Variants in DCLK3 observed in about 807,000 individuals in gnomAD.
DCLK3 encodes serine/threonine-protein kinase DCLK3.
In DCLK3, 30 loss-of-function variants were observed where a neutral mutation model predicts 46.4. That is an observed-to-expected ratio of 0.65 (90% CI 0.48 to 0.88). DCLK3 has a LOEUF of 0.88. DCLK3 is among the 40% of genes least tolerant of loss of function. The pLI, the probability that DCLK3 is intolerant of heterozygous loss-of-function variation, is 0.00. For synonymous variants in DCLK3, 401 were observed against 339.2 expected (o/e 1.18, Z -2.00); for missense variants, 846 against 907.1 (o/e 0.93, Z 0.87).
intron 1 of DCLK3, among the ~76,000 whole-genome samples, chr3:36,751,063 T>TAAAAAGAAAAA: frequency 1.3e-5 from 1 of 76,476 alleles, no homozygotes; most frequent in South Asian, 6.7e-4. Context: ...CGGGATGATC[T>TAAAAAGAAAAA]AAAAAAAAAA....
intron 2 of DCLK3, among the ~76,000 whole-genome samples, chr3:36,735,672 T>G (rs1208697896): frequency 1.3e-5 from 2 of 152,246 alleles, no homozygotes; most frequent in Non-Finnish European, 2.9e-5. Flanking sequence ...AAAATCACTG[T>G]GCTCATTCAC....
chr3:36,752,776 C>T (rs1701453325), intron 1 of DCLK3, among the ~76,000 whole-genome samples: 1 of 152,202 alleles, frequency 6.6e-6, no homozygotes, highest in East Asian at 1.9e-4. Context: ...TGACAATTTA[C>T]TTGAAGCTTT....
chr3:36,737,882 C>T lies in DCLK3; in HGVS notation c.1285G>A (p.Val429Met), dbSNP rs1205176501. ...LPVTEEGLRE[V>M]KKDTRPMSRS... ...CTCATGGGCCTGGTGTCCTTCTTCACCTCCCTCAGCCCCTCCTCTGTGACA... is the reference window on the plus strand; with the variant it reads ...CTCATGGGCCTGGTGTCCTTCTTCATCTCCCTCAGCCCCTCCTCTGTGACA... The change falls in exon 2 of 5, where the codon GTG becomes ATG. Residue 429 changes from valine (V) to methionine (M), a missense_variant. This residue lies in a region of DCLK3 where 553 missense variants were observed against 543.0 expected (regional missense o/e 1.02). Coordinates refer to ENST00000636136, the MANE Select transcript of DCLK3 (RefSeq NM_001394672.2). The surrounding 1 kb of genome is among the most constrained non-coding windows in gnomAD (Gnocchi z 4.4). The T allele has an allele frequency of 2.5e-6, 4 of 1,613,844 alleles. No individual in the cohort carries two copies. The Admixed American group carries it at 6.7e-5, about 27-fold the overall frequency.
At chr3:36,740,406 T>C (rs1013122855) in intron 1 of DCLK3, among the ~76,000 whole-genome samples, 2 of 152,306 alleles carry the variant, frequency 1.3e-5, no homozygotes, top group African/African-American at 2.4e-5. Context: ...CATGATGTGG[T>C]AGGTATTTCT....
chr3:36,760,517 C>T (rs959514286), intron 1 of DCLK3, among the ~76,000 whole-genome samples: 4 of 151,784 alleles, frequency 2.6e-5, no homozygotes, highest in African/African-American at 9.7e-5. Flanking sequence ...AGGAGATATA[C>T]CTAATGTTAA....
chr3:36,748,636 G>T (rs1701413397), intron 1 of DCLK3, among the ~76,000 whole-genome samples: 1 of 151,956 alleles, frequency 6.6e-6, no homozygotes, highest in Admixed American at 6.6e-5. Flanking sequence ...CTGGCGGAGG[G>T]CACACCAGGC....
rs577382962 is a variant in DCLK3 at position 36,725,096 on chromosome 3, T to C, written c.1960-3437A>G. Among the ~76,000 whole-genome samples, 6 of 150,288 alleles carry C rather than the reference T, an allele frequency of 4.0e-5. No individual in the cohort carries two copies. In the South Asian group the frequency reaches 1.1e-3, roughly 26 times the overall value. On this transcript the variant is annotated intron_variant, in intron 2 of 4. Transcript: ENST00000636136. ...TTGGGAGGCCAAGACGGGCGGATCATGAGGTCAGGAGATCAAGACCATCCT... is the reference window on the plus strand; with the variant it reads ...TTGGGAGGCCAAGACGGGCGGATCACGAGGTCAGGAGATCAAGACCATCCT...
intron 2 of DCLK3, among the ~76,000 whole-genome samples, chr3:36,727,815 T>A (rs1462983149): frequency 6.6e-6 from 1 of 152,240 alleles, no homozygotes; most frequent in East Asian, 1.9e-4. Context: ...CCTAAGCAGC[T>A]TAATTACATT....
chr3:36,719,686 C>T (rs1232192326), intron 3 of DCLK3, among the ~76,000 whole-genome samples: 2 of 152,212 alleles, frequency 1.3e-5, no homozygotes, highest in Non-Finnish European at 2.9e-5. Context: ...TGAGGAGTCT[C>T]AAAGCCACAT....
chr3:36,744,229 T>C (rs570124768), intron 1 of DCLK3, among the ~76,000 whole-genome samples: 25 of 152,324 alleles, frequency 1.6e-4, no homozygotes, highest in African/African-American at 5.8e-4. Flanking sequence ...AACACAAATA[T>C]CTAGCTTCAG....
rs954780066 is a variant in DCLK3, at chr3:36,713,142, G to T, written c.*2186C>A. Reference sequence around the variant, plus strand: ...CATTTAATTTTAGCTATTCTAATGGGTGTATAGTGATATTTCATTGTGATT... The same window carrying T: ...CATTTAATTTTAGCTATTCTAATGGTTGTATAGTGATATTTCATTGTGATT... On this transcript the variant is annotated 3_prime_UTR_variant, in exon 5 of 5. Coordinates refer to ENST00000636136, the MANE Select transcript of DCLK3 (RefSeq NM_001394672.2). 1 of 152,132 alleles carries T rather than the reference G, an allele frequency of 6.6e-6. No homozygotes were observed. The allele number at this position is 152,132 out of a possible 1,614,324, so 9.4% of individuals were successfully genotyped here.
At chr3:36,748,660 T>C (rs138744491) in intron 1 of DCLK3, among the ~76,000 whole-genome samples, 1 of 151,986 alleles carries the variant, frequency 6.6e-6, no homozygotes, top group African/African-American at 2.4e-5. Flanking sequence ...AATATTAACA[T>C]GGCCTCATTT....
At chr3:36,725,172 C>T (rs1446934762) in intron 2 of DCLK3, among the ~76,000 whole-genome samples, 2 of 152,022 alleles carry the variant, frequency 1.3e-5, no homozygotes. Context: ...AATTAGCCAG[C>T]CTGATGGCGG....
intron 1 of DCLK3, among the ~76,000 whole-genome samples, chr3:36,750,184 G>A (rs1161102939): frequency 2.0e-5 from 3 of 152,108 alleles, no homozygotes; most frequent in Admixed American, 6.5e-5. Context: ...GGGTTCAAGC[G>A]ACTCTCCTGC....
At chr3:36,729,270 C>G (rs1264388400) in intron 2 of DCLK3, among the ~76,000 whole-genome samples, 10 of 151,302 alleles carry the variant, frequency 6.6e-5, no homozygotes, top group Admixed American at 5.3e-4. Flanking sequence ...GTACAAAAGC[C>G]CCCTTTACAC....
intron 1 of DCLK3, among the ~76,000 whole-genome samples, chr3:36,745,867 G>A (rs957653248): frequency 6.6e-6 from 1 of 152,154 alleles, no homozygotes; most frequent in Non-Finnish European, 1.5e-5. Flanking sequence ...TTTTGTAAAC[G>A]AATAAAAAAT....
Position 36,723,386 on chromosome 3 carries a change from A to G in DCLK3, c.1960-1727T>C, listed in dbSNP as rs532034377. On this transcript the variant is annotated intron_variant, in intron 2 of 4. Coordinates refer to ENST00000636136, the MANE Select transcript of DCLK3 (RefSeq NM_001394672.2). ...AGAAAATCCCATTTTCCAAGGATAA[A>G]TTAAAGCCGGCTGCAGAAATTTGCC... Among the ~76,000 whole-genome samples, 6 of 152,332 alleles carry G rather than the reference A, an allele frequency of 3.9e-5. No homozygotes were observed. In the East Asian group the frequency reaches 7.7e-4, roughly 20 times the overall value.
intron 1 of DCLK3, among the ~76,000 whole-genome samples, chr3:36,762,197 G>A (rs1701546003): frequency 6.6e-6 from 1 of 152,150 alleles, no homozygotes; most frequent in Non-Finnish European, 1.5e-5. Flanking sequence ...GCCCAGAAGG[G>A]AACACCTTTT....
chr3:36,742,332 A>T (rs559666782), intron 1 of DCLK3, among the ~76,000 whole-genome samples: 1 of 152,228 alleles, frequency 6.6e-6, no homozygotes, highest in African/African-American at 2.4e-5. Context: ...ATTTCAGCAG[A>T]CCCTACCTCA....
Sources: allele counts gnomAD v4.1 joint callset (sites outside exome capture counted in the v4.1 genomes callset), GRCh38; gene constraint gnomAD v4.1.1; regional missense constraint gnomAD v4.1.1; non-coding constraint Gnocchi (gnomAD v3.1); transcripts MANE v1.5; gene names NCBI Gene and HGNC (gene_info 2026-07-23, HGNC 2026-07-21).